Variants in ZNG1F observed in about 807,000 individuals in gnomAD.
ZNG1F encodes Zn regulated GTPase metalloprotein activator 1F, also known as zinc-regulated GTPase metalloprotein activator 1F.
the ZNG1F span, among the ~76,000 whole-genome samples, chr9:41,199,719 T>A: frequency 6.6e-6 from 1 of 151,874 alleles, no homozygotes. Flanking sequence ...CTAGCAGAGG[T>A]TCTCCATGAG....
chr9:41,184,120 T>C, the ZNG1F span, among the ~76,000 whole-genome samples: 1 of 151,324 alleles, frequency 6.6e-6, no homozygotes, highest in Non-Finnish European at 1.5e-5. Context: ...ATATTCCCAA[T>C]GAGTAAAAAC....
the ZNG1F span, among the ~76,000 whole-genome samples, chr9:41,187,631 C>A: frequency 6.7e-6 from 1 of 148,612 alleles, no homozygotes; most frequent in Middle Eastern, 3.4e-3. Context: ...TAAAGGGCAG[C>A]AAGACTCCAG....
chr9:41,160,331 T>TA, the ZNG1F span, among the ~76,000 whole-genome samples: 16 of 68,272 alleles, frequency 2.3e-4, no homozygotes, highest in Admixed American at 2.1e-3. Flanking sequence ...TACAAAATGG[T>TA]AAAAAAATTT....
chr9:41,140,449 T>C, the ZNG1F span, among the ~76,000 whole-genome samples: 6 of 13,028 alleles, frequency 4.6e-4, 2 homozygotes, highest in African/African-American at 5.7e-4. Flanking sequence ...TTAATAAACA[T>C]ACTCTATTTT....
At chr9:41,137,167 T>C in the ZNG1F span, among the ~76,000 whole-genome samples, 11 of 143,620 alleles carry the variant, frequency 7.7e-5, no homozygotes, top group East Asian at 2.1e-4. Flanking sequence ...CAGAGGTTGA[T>C]AGGTTGTGTC....
At chr9:41,139,551 G>C in the ZNG1F span, among the ~76,000 whole-genome samples, 1 of 149,688 alleles carries the variant, frequency 6.7e-6, no homozygotes, top group Non-Finnish European at 1.5e-5. Context: ...AAAAACATGA[G>C]ATATTTAATC....
chr9:41,139,566 C>T, the ZNG1F span, among the ~76,000 whole-genome samples: 15 of 149,860 alleles, frequency 1.0e-4, 1 homozygote, highest in African/African-American at 3.4e-4. Flanking sequence ...TTAATCTCCA[C>T]TGTTACTAGT....
chr9:41,148,771 C>CAA, the ZNG1F span, among the ~76,000 whole-genome samples: 9 of 136,572 alleles, frequency 6.6e-5, no homozygotes, highest in African/African-American at 2.5e-4. Context: ...AAAAGGGGTC[C>CAA]AATAAAACAC....
chr9:41,136,973 A>AT, the ZNG1F span, among the ~76,000 whole-genome samples: 1 of 67,534 alleles, frequency 1.5e-5, no homozygotes, highest in Non-Finnish European at 3.0e-5. Context: ...TATCTTTTGG[A>AT]TTTTTTTGTT....
At chr9:41,169,653 G>C in the ZNG1F span, among the ~76,000 whole-genome samples, 1 of 150,394 alleles carries the variant, frequency 6.6e-6, no homozygotes, top group Non-Finnish European at 1.5e-5. Flanking sequence ...ATAAGTCATG[G>C]AGAGCTAATT....
the ZNG1F span, chr9:41,183,522 A>G: frequency 1.3e-5 from 20 of 1,521,174 alleles, 1 homozygote; most frequent in East Asian, 4.2e-4. Flanking sequence ...TAATCAATAA[A>G]CATTTCTAGT....
chr9:41,175,312 C>T, the ZNG1F span, among the ~76,000 whole-genome samples: 2 of 140,646 alleles, frequency 1.4e-5, no homozygotes, highest in African/African-American at 5.4e-5. Flanking sequence ...TTCCCAAAAA[C>T]GTAATAGTTT....
chr9:41,142,930 A>C, the ZNG1F span, among the ~76,000 whole-genome samples: 5 of 37,484 alleles, frequency 1.3e-4, 2 homozygotes, highest in African/African-American at 2.9e-4. Context: ...TATGCAAATA[A>C]ATAAACCAAA....
At chr9:41,184,578 T>TA in the ZNG1F span, among the ~76,000 whole-genome samples, 1 of 149,168 alleles carries the variant, frequency 6.7e-6, no homozygotes, top group Non-Finnish European at 1.5e-5. Flanking sequence ...AATAAAGAAA[T>TA]ATACCAAACG....
chr9:41,204,921 G>T, the ZNG1F span, among the ~76,000 whole-genome samples: 1 of 150,132 alleles, frequency 6.7e-6, no homozygotes, highest in Non-Finnish European at 1.5e-5. Context: ...TGTAGTTTTG[G>T]TTGCATAATA....
the ZNG1F span, chr9:41,134,102 C>G: frequency 8.5e-6 from 2 of 236,302 alleles, 1 homozygote; most frequent in Non-Finnish European, 1.6e-5. Flanking sequence ...GGGCCAGGTA[C>G]TTTTGCCTGA....
the ZNG1F span, among the ~76,000 whole-genome samples, chr9:41,139,526 G>T: frequency 8.0e-5 from 12 of 149,150 alleles, no homozygotes; most frequent in Admixed American, 6.8e-5. Flanking sequence ...TGATGTGTTG[G>T]GCTCTAGAAC....
At chr9:41,203,161 C>G in the ZNG1F span, among the ~76,000 whole-genome samples, 1 of 152,252 alleles carries the variant, frequency 6.6e-6, no homozygotes, top group Non-Finnish European at 1.5e-5. Context: ...TGTGCTTTTA[C>G]TAGAATGTTA....
the ZNG1F span, among the ~76,000 whole-genome samples, chr9:41,166,470 AT>A: frequency 0.04 from 5,370 of 133,070 alleles, 45 homozygotes; most frequent in Admixed American, 0.084. Flanking sequence ...ATATATATAT[AT>A]ATAAAATCTT....
Sources: gnomAD v4.1 joint callset for allele counts (sites outside exome capture counted in the v4.1 genomes callset) on GRCh38, gnomAD v4.1.1 for gene constraint, MANE v1.5 for transcripts, NCBI Gene and HGNC (gene_info 2026-07-23, HGNC 2026-07-21) for gene names.